Variants in MLXIPL observed in about 807,000 individuals in gnomAD.
MLXIPL encodes carbohydrate-responsive element-binding protein.
In MLXIPL, 49 loss-of-function variants were observed where a neutral mutation model predicts 81.5. The ratio of observed to expected loss-of-function variants is 0.60; its 90% confidence interval spans 0.48 to 0.76. MLXIPL has a LOEUF of 0.76. MLXIPL is among the 30% of genes least tolerant of loss of function. The probability of loss-of-function intolerance (pLI) is 0.00; values close to 1 mark genes in which losing one functional copy is unlikely to be tolerated. For missense variants in MLXIPL, 1,053 were observed against 1,167.0 expected, an observed-to-expected ratio of 0.90 and a Z score of 1.42; for synonymous variants, 466 against 485.5, an observed-to-expected ratio of 0.96 and a Z score of 0.53.
At chr7:73,602,067 TCCAC>T in intron 7 of MLXIPL, among the ~76,000 whole-genome samples, 2 of 136,110 alleles carry the variant, frequency 1.5e-5, no homozygotes, top group African/African-American at 2.9e-5. Context: ...CTTCTTGCTG[TCCAC>T]CTGCCTGCCT....
At chr7:73,601,497 G>A (rs1456597934) in intron 7 of MLXIPL, among the ~76,000 whole-genome samples, 3 of 152,032 alleles carry the variant, frequency 2.0e-5, no homozygotes, top group South Asian at 2.1e-4. Flanking sequence ...GAAAGGAGGT[G>A]CCCAGAGAGA....
intron 7 of MLXIPL, among the ~76,000 whole-genome samples, chr7:73,603,260 G>A (rs1369372665): frequency 3.9e-5 from 6 of 152,114 alleles, no homozygotes; most frequent in Non-Finnish European, 8.8e-5. Context: ...AGGGCCACAC[G>A]AGCCACCTCC....
the MLXIPL span, among the ~76,000 whole-genome samples, chr7:73,646,872 C>T: frequency 7.2e-5 from 11 of 152,208 alleles, no homozygotes; most frequent in Non-Finnish European, 1.5e-4. Context: ...ATCCCTGGTC[C>T]CCCTGACTTC....
At chr7:73,600,718 T>C (rs1215212206) in intron 7 of MLXIPL, among the ~76,000 whole-genome samples, 4 of 12,834 alleles carry the variant, frequency 3.1e-4, no homozygotes, top group Admixed American at 2.2e-3. Flanking sequence ...GGGTGGGCTC[T>C]GAGTGGGGTG....
At chr7:73,615,272 T>C (rs782118138) in intron 2 of MLXIPL, among the ~76,000 whole-genome samples, 5 of 152,134 alleles carry the variant, frequency 3.3e-5, no homozygotes, top group Non-Finnish European at 5.9e-5. Flanking sequence ...CTCTGCCCAA[T>C]TGGCCATGGT....
Position 73,595,902 on chromosome 7 carries a change from C to T in MLXIPL, c.2126G>A (p.Gly709Asp). 6.2e-7 allele frequency: 1 copy of T among 1,613,128 alleles called. No homozygotes were observed. Among genetic ancestry groups the T allele is most frequent in the Non-Finnish European group, 8.5e-7 (1 of 1,179,866 alleles). Residue 709 changes from glycine (G) to aspartate (D), a missense_variant, in exon 14 of 17, where the codon GGC (glycine) becomes GAC (aspartate). By Grantham distance (94) the Gly-to-Asp change is moderately conservative. Coordinates refer to ENST00000313375, the MANE Select transcript of MLXIPL (RefSeq NM_032951.3). Reference sequence around the variant, plus strand: ...CAGCTGCTGGGCCTCCTCCTGCAAGCCCGCACGCTCCTGCTGTAGCATAAG... The same window carrying T: ...CAGCTGCTGGGCCTCCTCCTGCAAGTCCGCACGCTCCTGCTGTAGCATAAG... ...YILMLQQERA[G>D]LQEEAQQLRD...
rs781971412 is a variant in MLXIPL, at chr7:73,599,621, C to T, written c.976G>A (p.Val326Met). Residue 326 changes from valine to methionine, a missense_variant, in exon 8 of 17, where the codon GTG (valine) becomes ATG (methionine). By Grantham distance (21) the Val-to-Met change is conservative (BLOSUM62 1). Transcript: ENST00000313375. ...NFPEPPSFSP[V>M]VDSLFSSGTL... Reference sequence around the variant, plus strand: ...CCACTGCTGAAGAGGGAGTCAACCACGGGGCTGAAGCTGGGGGGCTCTGGG... The same window carrying T: ...CCACTGCTGAAGAGGGAGTCAACCATGGGGCTGAAGCTGGGGGGCTCTGGG... The T allele has an allele frequency of 1.9e-5, 31 of 1,610,686 alleles. No individual in the cohort carries two copies. The Admixed American group carries it at 2.5e-4, about 13-fold the overall frequency.
chr7:73,594,141 C>G lies in MLXIPL; in HGVS notation c.2440+133G>C. Reference sequence around the variant, plus strand: ...AGGCGTCTGGTGGCCAGAGGACCATCTGGGGGATGCGGGGTGGCCACAACC... The same window carrying G: ...AGGCGTCTGGTGGCCAGAGGACCATGTGGGGGATGCGGGGTGGCCACAACC... On this transcript the variant is annotated intron_variant, in intron 16 of 16. Coordinates refer to ENST00000313375, the MANE Select transcript of MLXIPL (RefSeq NM_032951.3). 9 of 1,478,604 alleles carry G rather than the reference C, an allele frequency of 6.1e-6. No individual in the cohort carries two copies. The South Asian group carries it at 9.2e-5, about 15-fold the overall frequency. 91.6% of individuals were successfully genotyped at this position (1,478,604 alleles called of 1,614,324 possible). A position where few individuals can be genotyped will look rare whatever the true frequency, so the allele number is the denominator to read the frequency against.
chr7:73,640,524 C>T, the MLXIPL span, among the ~76,000 whole-genome samples: 4 of 151,904 alleles, frequency 2.6e-5, no homozygotes, highest in African/African-American at 9.7e-5. Context: ...CGCTTGTAAT[C>T]CCAGCACTTT....
chr7:73,609,446 A>C (rs537750439), intron 2 of MLXIPL: 3 of 151,946 alleles, frequency 2.0e-5, no homozygotes, highest in African/African-American at 7.2e-5. Flanking sequence ...TGGTTTCACC[A>C]TATTGGTCAG....
chr7:73,593,812 C>A lies in MLXIPL; in HGVS notation c.*53G>T. 1 of 1,478,588 alleles carries A rather than the reference C, an allele frequency of 6.8e-7. No homozygotes were observed. The highest frequency in any genetic ancestry group is 1.1e-5 in the South Asian group (1 of 88,194). 91.6% of individuals were successfully genotyped at this position (1,478,588 alleles called of 1,614,324 possible). On this transcript the variant is annotated 3_prime_UTR_variant, in exon 17 of 17. Coordinates refer to ENST00000313375, the MANE Select transcript of MLXIPL (RefSeq NM_032951.3). ...CAGAGATGATCCCTGGAGCCCGTGC[C>A]CAGGGAAAGCAGCCCCCAGGGCAGC...
the MLXIPL span, among the ~76,000 whole-genome samples, chr7:73,645,770 C>T: frequency 1.3e-5 from 2 of 152,132 alleles, no homozygotes; most frequent in Non-Finnish European, 2.9e-5. Context: ...GAACAGAAAC[C>T]AGGGCTTTGG....
At position 73,606,079 on chromosome 7, in the gene MLXIPL, C is replaced by T. The variant is rs1554598032; in HGVS notation, c.651G>A (p.Trp217Ter). ...CCACACTGGAGAAGAGCTGTTTGCA[C>T]CATTGCTCCGGCGGCGGCCACCTGC... Reference protein sequence around the residue: ...AEGRWPPPEQWCKQLFSSVVP... With the variant: ...AEGRWPPPEQ The change falls in exon 6 of 17, where the codon TGG becomes TGA. Residue 217 changes from tryptophan (W) to a stop codon, truncating the protein, a stop_gained. Coordinates refer to ENST00000313375, the MANE Select transcript of MLXIPL (RefSeq NM_032951.3). LOFTEE classifies it high-confidence loss of function. The T allele has an allele frequency of 6.3e-7, 1 of 1,589,660 alleles. No homozygotes were observed. The highest frequency in any genetic ancestry group is 8.6e-7 in the Non-Finnish European group (1 of 1,168,234).
At position 73,593,868 on chromosome 7, in the gene MLXIPL, T is replaced by C. The variant is rs560120778; in HGVS notation, c.2556A>G (p.Leu852=). The change falls in exon 17 of 17, where the codon TTA becomes TTG. Residue 852 remains leucine (L), a synonymous_variant. Transcript: ENST00000313375. ...AVTEGTLGKP[L] ...GAGCAGCAGGGTCTGGCCAGGACTATAAAGGTTTGCCAAGGGTGCCCTCTG... is the reference window on the plus strand; with the variant it reads ...GAGCAGCAGGGTCTGGCCAGGACTACAAAGGTTTGCCAAGGGTGCCCTCTG... 1.2e-6 allele frequency: 2 copies of C among 1,613,498 alleles called. No individual in the cohort carries two copies. The highest frequency in any genetic ancestry group is 2.2e-5 in the South Asian group (2 of 91,072).
At chr7:73,600,057 G>T (rs1794664134) in intron 7 of MLXIPL, among the ~76,000 whole-genome samples, 1 of 151,958 alleles carries the variant, frequency 6.6e-6, no homozygotes, top group Non-Finnish European at 1.5e-5. Flanking sequence ...TGCAGAAAGG[G>T]GGTGCCCAGA....
In MLXIPL at chr7:73,596,017, C is replaced by G; in HGVS notation, c.2059-48G>C. On this transcript the variant is annotated intron_variant, in intron 13 of 16. Coordinates refer to ENST00000313375, the MANE Select transcript of MLXIPL (RefSeq NM_032951.3). This position sits in a 1 kb window ranked among gnomAD's most constrained non-coding sequence, Gnocchi z 4.7. ...TCAGGCAGGTGCTAGAGGCTGTACC[C>G]TGGGACCCACTGAGGCACTGGGATG... 1 of 1,608,428 alleles carries G rather than the reference C, an allele frequency of 6.2e-7. No homozygotes were observed. Among genetic ancestry groups the G allele is most frequent in the Non-Finnish European group, 8.5e-7 (1 of 1,179,274 alleles).
At chr7:73,595,598 C>T in intron 15 of MLXIPL, 39 bp downstream of exon 15, 1 of 1,614,018 alleles carries the variant, frequency 6.2e-7, no homozygotes, top group Non-Finnish European at 8.5e-7. Flanking sequence ...CCTGCCACAG[C>T]CCCTGCAGCC....
intron 1 of MLXIPL, among the ~76,000 whole-genome samples, chr7:73,621,314 G>A (rs539252391): frequency 6.6e-6 from 1 of 151,480 alleles, no homozygotes; most frequent in African/African-American, 2.4e-5. Flanking sequence ...TTCCACCCAC[G>A]GAGCCATGGA....
chr7:73,597,405 C>A lies in MLXIPL; in HGVS notation c.1380G>T (p.Gln460His), dbSNP rs782580492. The A allele has an allele frequency of 6.3e-5, 37 of 585,506 alleles. No homozygotes were observed. The highest frequency in any genetic ancestry group is 6.8e-5 in the Non-Finnish European group (30 of 443,420). The allele number at this position is 585,506 out of a possible 1,614,324, so 36.3% of individuals were successfully genotyped here. ...GGGTGGGGGCTGGGCTGGGGACAGA[C>A]TGTGGGGTGGGTGGGAAGGCTGCAG... ...PAPAAFPPTP[Q>H]SVPSPAPTPF... The change falls in exon 9 of 17, where the codon CAG (glutamine) becomes CAT (histidine). Residue 460 changes from glutamine (Q) to histidine (H), a missense_variant. Gln to His is a conservative substitution (Grantham distance 24). Transcript: ENST00000313375.
Sources: gnomAD v4.1 joint callset for allele counts (sites outside exome capture counted in the v4.1 genomes callset) on GRCh38, gnomAD v4.1.1 for gene constraint, Gnocchi (gnomAD v3.1) non-coding constraint, MANE v1.5 for transcripts, NCBI Gene and HGNC (gene_info 2026-07-23, HGNC 2026-07-21) for gene names.